RNF14: variants seen among roughly 807,000 people sequenced by gnomAD.
The protein encoded by RNF14 is ring finger protein 14.
In RNF14, 26 loss-of-function variants were observed where a neutral mutation model predicts 52.6. The observed-to-expected ratio is 0.49, with a 90% CI of 0.36 to 0.69. The LOEUF is 0.69. Ranked by LOEUF, RNF14 falls within the 30% of genes least tolerant of loss-of-function variation. The pLI, the probability that RNF14 is intolerant of heterozygous loss-of-function variation, is 0.00. For synonymous variants in RNF14, 194 were observed against 202.0 expected (o/e 0.96, Z 0.34); for missense variants, 404 against 560.4 (o/e 0.72, Z 2.82).
rs1443282860 is a variant in RNF14 at position 141,988,923 on chromosome 5, T to A, written c.*1133T>A. The A allele has an allele frequency of 4.6e-5, 7 of 152,372 alleles. No individual in the cohort carries two copies. Among genetic ancestry groups the A allele is most frequent in the Non-Finnish European group, 1.0e-4 (7 of 68,038 alleles). 9.4% of individuals were successfully genotyped at this position (152,372 alleles called of 1,614,324 possible). A position where few individuals can be genotyped will look rare whatever the true frequency, so the allele number is the denominator to read the frequency against. ...TACCTGTTCCTTTTTCTGGGTTTTG[T>A]TGGCTTTTTGAAAAATTGTCTTTCC... On this transcript the variant is annotated 3_prime_UTR_variant, in exon 9 of 9. Coordinates refer to ENST00000394520, the MANE Select transcript of RNF14 (RefSeq NM_004290.5).
At chr5:141,951,409 C>A in the RNF14 span, 2 of 1,018,190 alleles carry the variant, frequency 2.0e-6, no homozygotes, top group South Asian at 1.3e-5. Context: ...CTTGTGCTCA[C>A]CCTTCCTCAC....
At chr5:141,980,409 C>T (rs1007964310) in intron 6 of RNF14, 58 bp downstream of exon 6, 1 of 1,279,460 alleles carries the variant, frequency 7.8e-7, no homozygotes, top group Non-Finnish European at 1.1e-6. Context: ...ACATTTCACT[C>T]TACTACCAGG....
At chr5:141,955,109 G>T (rs370507314), upstream of RNF14, 7 of 1,614,126 alleles carry the variant, frequency 4.3e-6, no homozygotes, top group Non-Finnish European at 5.9e-6. The surrounding 1 kb of genome is among the most constrained non-coding windows in gnomAD (Gnocchi z 5.5). Context: ...CCATTGAGAT[G>T]TCGCTGCCGT....
intron 8 of RNF14, among the ~76,000 whole-genome samples, chr5:141,986,425 G>A (rs1755237875): frequency 3.3e-5 from 5 of 152,234 alleles, no homozygotes. Flanking sequence ...TGCAAGGACT[G>A]TGAAGATAGA....
rs772624507 is a variant in RNF14, at chr5:141,974,807, A to G, written c.158A>G (p.Asn53Ser). ...CTAATCTTTGTTTTTGGTTCAGGCA[A>G]TTCAAATGAGTGTCTCCAGAATAGT... is the stretch of plus-strand genomic sequence containing the variant. ...PQNFKIFVSG[N>S]SNECLQNSGF... The change falls in exon 4 of 9, where the codon AAT becomes AGT. Residue 53 changes from asparagine (N) to serine (S), a missense_variant. Physicochemically the swap from Asn to Ser is conservative, Grantham distance 46 (BLOSUM62 1). Transcript: ENST00000394520. 6.2e-7 allele frequency: 1 copy of G among 1,613,868 alleles called. No homozygotes were observed. Among genetic ancestry groups the G allele is most frequent in the Non-Finnish European group, 8.5e-7 (1 of 1,179,848 alleles).
chr5:141,983,615 G>GAA (rs1754975625), intron 7 of RNF14, 63 bp downstream of exon 7: 5 of 1,411,768 alleles, frequency 3.5e-6, no homozygotes, highest in Non-Finnish European at 4.8e-6. Flanking sequence ...ATTACCTTAA[G>GAA]AAGCCTTACT....
upstream of RNF14, among the ~76,000 whole-genome samples, chr5:141,967,567 T>A (rs2126948301): frequency 6.6e-6 from 1 of 152,342 alleles, no homozygotes; most frequent in South Asian, 2.1e-4. Flanking sequence ...CAGGGCCCTA[T>A]GTGACTGCAC....
chr5:141,984,874 T>C lies in RNF14; in HGVS notation c.1308T>C (p.Ser436=), dbSNP rs61753579. ...MQYFCWICMG[S]LSRANPYKHF... ...ATTTCTGTTGGATTTGCATGGGTTC[T>C]CTCTCTAGAGCAAACCCTTACAAAC... The change falls in exon 8 of 9, where the codon TCT becomes TCC. Residue 436 remains serine, a synonymous_variant. Transcript: ENST00000394520. The C allele has an allele frequency of 3.1e-3, 5,019 of 1,612,858 alleles. 125 individuals are homozygous for C. The African/African-American group carries it at 0.059, about 19-fold the overall frequency.
At chr5:141,954,149 G>T (rs116396182), upstream of RNF14, among the ~76,000 whole-genome samples, 4 of 152,168 alleles carry the variant, frequency 2.6e-5, no homozygotes, top group Non-Finnish European at 5.9e-5. Flanking sequence ...GTTGAAGGAC[G>T]TGTACAAGGT....
upstream of RNF14, among the ~76,000 whole-genome samples, chr5:141,962,844 C>T (rs1753285902): frequency 2.0e-5 from 3 of 152,226 alleles, no homozygotes; most frequent in South Asian, 4.1e-4. Flanking sequence ...CCCCAACCTT[C>T]GAGAGGAAGG....
chr5:141,984,048 C>A (rs189054968), intron 7 of RNF14, among the ~76,000 whole-genome samples: 2 of 151,036 alleles, frequency 1.3e-5, no homozygotes, highest in Admixed American at 1.3e-4. Flanking sequence ...TCTGTTATGT[C>A]TGAACTGAAC....
chr5:141,963,379 C>CT (rs1199358722), upstream of RNF14, among the ~76,000 whole-genome samples: 21,648 of 136,364 alleles, frequency 0.16, 2,349 homozygotes, highest in African/African-American at 0.33. Context: ...ACACAAGTTC[C>CT]TTTTTTTTTT....
In RNF14 at chr5:141,959,262, G is replaced by A. The variant is rs3761762; in HGVS notation, c.-181+837G>A. On this transcript the variant is annotated intron_variant, in intron 1 of 4. Coordinates refer to the RNF14 transcript ENST00000506822. ...CCCCAGTTTTGTTTATAAGAGTCCCGTGAAGCACATCTCCTTTGCTGCCCC... is the reference window on the plus strand; with the variant it reads ...CCCCAGTTTTGTTTATAAGAGTCCCATGAAGCACATCTCCTTTGCTGCCCC... Among the ~76,000 whole-genome samples, 13,866 of 151,976 alleles carry A rather than the reference G, an allele frequency of 0.091. 757 individuals carry two copies. Among genetic ancestry groups the A allele is most frequent in the Non-Finnish European group, 0.12 (8,203 of 67,996 alleles).
chr5:141,955,478 C>G, upstream of RNF14: 1 of 1,614,072 alleles, frequency 6.2e-7, no homozygotes, highest in Non-Finnish European at 8.5e-7. The surrounding 1 kb of genome is among the most constrained non-coding windows in gnomAD (Gnocchi z 5.5). Flanking sequence ...TGGGACTGCC[C>G]GACTTCACAA....
chr5:141,955,620 C>A (rs764159953), upstream of RNF14: 5 of 1,612,916 alleles, frequency 3.1e-6, no homozygotes, highest in Non-Finnish European at 2.5e-6. This position sits in a 1 kb window ranked among gnomAD's most constrained non-coding sequence, Gnocchi z 5.5. Context: ...TGTTGTCCTT[C>A]TTTTCTGTCC....
At chr5:141,975,401 C>T (rs1006533869) in intron 4 of RNF14, among the ~76,000 whole-genome samples, 1 of 152,158 alleles carries the variant, frequency 6.6e-6, no homozygotes, top group Admixed American at 6.5e-5. Context: ...TGAGTGAATA[C>T]AATAACTGAT....
chr5:141,963,842 T>C (rs1031351283), upstream of RNF14, among the ~76,000 whole-genome samples: 2 of 152,206 alleles, frequency 1.3e-5, no homozygotes, highest in Non-Finnish European at 2.9e-5. Context: ...CATCGTTACA[T>C]AAATTCTCAT....
chr5:141,952,104 G>A, the RNF14 span, among the ~76,000 whole-genome samples: 3 of 152,106 alleles, frequency 2.0e-5, no homozygotes, highest in African/African-American at 4.8e-5. Flanking sequence ...TAAGTGCCAG[G>A]CAGGGTGGTT....
At chr5:141,957,536 C>G (rs776419394), upstream of RNF14, 10 of 1,614,076 alleles carry the variant, frequency 6.2e-6, no homozygotes, top group East Asian at 1.1e-4. The surrounding 1 kb of genome is among the most constrained non-coding windows in gnomAD (Gnocchi z 4.3). Context: ...TCAAAGGAAA[C>G]CAGGCAGGGA....
Sources: allele counts gnomAD v4.1 joint callset (sites outside exome capture counted in the v4.1 genomes callset), GRCh38; gene constraint gnomAD v4.1.1; non-coding constraint Gnocchi (gnomAD v3.1); transcripts MANE v1.5; gene names NCBI Gene and HGNC (gene_info 2026-07-23, HGNC 2026-07-21).